Variants in TMEM165 observed in about 807,000 individuals in gnomAD.
The protein encoded by TMEM165 is transmembrane protein 165, also known as putative divalent cation/proton antiporter TMEM165.
Under a neutral mutation model 30.0 loss-of-function variants are expected in TMEM165, and 19 were observed. That is an observed-to-expected ratio of 0.63 (90% CI 0.44 to 0.93). TMEM165 has a LOEUF of 0.93. TMEM165 is among the 40% of genes least tolerant of loss of function. The pLI is 0.00. For missense variants in TMEM165, 340 were observed against 417.0 expected (o/e 0.82, Z 1.61); for synonymous variants, 168 against 162.9 (o/e 1.03, Z -0.24).
exon 4 of TMEM165, chr4:55,452,898 T>C: frequency 1.8e-6 from 1 of 570,884 alleles, no homozygotes; most frequent in Non-Finnish European, 3.0e-6. Context: ...GACTCTAAAA[T>C]ATTAAATTAA....
Position 55,449,529 on chromosome 4 carries a change from C to T in TMEM165, c.409-2710C>T, listed in dbSNP as rs749390718. On this transcript the variant is annotated intron_variant, in intron 3 of 3. Coordinates refer to the TMEM165 transcript ENST00000608091. ...CAACAAAATCAGAAGAGCATTAGTA[C>T]TTTATAAAATATAGTTTTTAAAGAT... 23 of 1,509,172 alleles carry T rather than the reference C, an allele frequency of 1.5e-5. No homozygotes were observed. The South Asian group carries it at 2.6e-4, about 17-fold the overall frequency. The allele number at this position is 1,509,172 out of a possible 1,614,324, so 93.5% of individuals were successfully genotyped here. A position where few individuals can be genotyped will look rare whatever the true frequency, so the allele number is the denominator to read the frequency against.
chr4:55,438,303 C>T, intron 3 of TMEM165: 2 of 1,614,106 alleles, frequency 1.2e-6, no homozygotes, highest in South Asian at 2.2e-5. Context: ...GTTGCGGTGG[C>T]TGGGTCAGCT....
intron 4 of TMEM165, among the ~76,000 whole-genome samples, chr4:55,419,669 C>CT (rs1721883463): frequency 6.6e-6 from 1 of 152,074 alleles, no homozygotes; most frequent in Non-Finnish European, 1.5e-5. Flanking sequence ...TCTTTTTCAT[C>CT]TTAACTGATA....
At chr4:55,433,009 G>A (rs1722620703) in intron 3 of TMEM165, 1 of 152,570 alleles carries the variant, frequency 6.6e-6, no homozygotes, top group Non-Finnish European at 1.5e-5. Flanking sequence ...GTAGAGGACA[G>A]GCCTCAATAT....
intron 3 of TMEM165, among the ~76,000 whole-genome samples, chr4:55,441,881 G>A (rs1050376891): frequency 2.0e-5 from 3 of 152,194 alleles, no homozygotes; most frequent in Non-Finnish European, 4.4e-5. Flanking sequence ...GCACTGAAAT[G>A]AAGACACCAA....
intron 1 of TMEM165, among the ~76,000 whole-genome samples, chr4:55,404,478 T>C (rs759352499): frequency 6.6e-6 from 1 of 152,006 alleles, no homozygotes; most frequent in Non-Finnish European, 1.5e-5. Flanking sequence ...CTGGCTGGAG[T>C]TCAGTGGCAC....
chr4:55,432,025 ATGTTC>A (rs1722541534), intron 3 of TMEM165: 1 of 152,182 alleles, frequency 6.6e-6, no homozygotes, highest in African/African-American at 2.4e-5. Flanking sequence ...TTTGCACTGA[ATGTTC>A]TATAACAAAC....
At chr4:55,418,023 C>G in intron 4 of TMEM165, 38 bp downstream of exon 4, 1 of 1,543,948 alleles carries the variant, frequency 6.5e-7, no homozygotes, top group Non-Finnish European at 8.8e-7. Context: ...TAAAATGAAA[C>G]GTAATTATTA....
intron 4 of TMEM165, among the ~76,000 whole-genome samples, chr4:55,420,528 AAC>A (rs1439699432): frequency 2.0e-5 from 3 of 152,052 alleles, no homozygotes; most frequent in African/African-American, 7.2e-5. Context: ...CAGATGAAAT[AAC>A]ACACGCAGGG....
At chr4:55,438,199 C>T (rs912370660) in intron 3 of TMEM165, 2 of 1,496,450 alleles carry the variant, frequency 1.3e-6, no homozygotes, top group African/African-American at 2.8e-5. Flanking sequence ...TTTCACATCA[C>T]TCACAAATCT....
exon 4 of TMEM165, chr4:55,453,153 A>AT (rs780391619): frequency 1.5e-5 from 23 of 1,582,110 alleles, no homozygotes; most frequent in Non-Finnish European, 1.8e-5. Context: ...AAATAATCAA[A>AT]TTTTAGTGTC....
intron 1 of TMEM165, among the ~76,000 whole-genome samples, chr4:55,405,841 C>T (rs938578464): frequency 3.9e-5 from 6 of 152,190 alleles, no homozygotes; most frequent in Non-Finnish European, 7.4e-5. Flanking sequence ...TAATGACTTC[C>T]CTCTTGCCTC....
At chr4:55,439,233 C>T (rs548578800) in intron 3 of TMEM165, among the ~76,000 whole-genome samples, 1 of 152,140 alleles carries the variant, frequency 6.6e-6, no homozygotes, top group Non-Finnish European at 1.5e-5. Context: ...AAAGAAGATA[C>T]ACAAATGGCT....
intron 1 of TMEM165, among the ~76,000 whole-genome samples, chr4:55,398,449 C>T: frequency 6.6e-6 from 1 of 152,200 alleles, no homozygotes; most frequent in East Asian, 1.9e-4. Context: ...AGAATCTGGA[C>T]TTCTGTGCCT....
At chr4:55,411,557 CAAAAT>C in intron 1 of TMEM165, 52 bp from the exon 2 acceptor site, 2 of 1,467,568 alleles carry the variant, frequency 1.4e-6, no homozygotes, top group Non-Finnish European at 1.9e-6. Flanking sequence ...TATTTACGTG[CAAAAT>C]AAAATAATTT....
intron 4 of TMEM165, among the ~76,000 whole-genome samples, chr4:55,420,167 C>G (rs1458754858): frequency 2.3e-5 from 3 of 130,552 alleles, no homozygotes; most frequent in Non-Finnish European, 4.9e-5. Flanking sequence ...TATTTAATGG[C>G]TGTACCCTAT....
At chr4:55,448,688 C>T (rs1724152970) in intron 3 of TMEM165, 2 of 922,890 alleles carry the variant, frequency 2.2e-6, no homozygotes, top group Non-Finnish European at 3.3e-6. Flanking sequence ...CAGGTGCTTG[C>T]CAGCAAGCCT....
chr4:55,421,632 C>A (rs945993468), intron 4 of TMEM165, among the ~76,000 whole-genome samples: 1 of 152,120 alleles, frequency 6.6e-6, no homozygotes, highest in Non-Finnish European at 1.5e-5. Context: ...GTTTATAATA[C>A]ACAAGTAGAA....
In TMEM165 at chr4:55,396,078, G is replaced by T; in HGVS notation, c.-112G>T. ...GGATGGTGCTGACTGCTCCCTAAGC[G>T]GCGGCGGCGGCGAGTCGTGAGGACG... On this transcript the variant is annotated 5_prime_UTR_variant, in exon 1 of 6. Transcript: ENST00000381334. 1 of 835,476 alleles carries T rather than the reference G, an allele frequency of 1.2e-6. No individual in the cohort carries two copies. Among genetic ancestry groups the T allele is most frequent in the Non-Finnish European group, 1.6e-6 (1 of 615,990 alleles). The allele number at this position is 835,476 out of a possible 1,614,324, so 51.8% of individuals were successfully genotyped here.
Sources: allele counts gnomAD v4.1 joint callset (sites outside exome capture counted in the v4.1 genomes callset), GRCh38; gene constraint gnomAD v4.1.1; transcripts MANE v1.5; gene names NCBI Gene and HGNC (gene_info 2026-07-23, HGNC 2026-07-21).